The following MYT1L variants were observed in gnomAD, a reference collection of about 807,000 sequenced individuals.
MYT1L encodes myelin transcription factor 1-like protein.
In MYT1L, 12 loss-of-function variants were observed where a neutral mutation model predicts 126.7. The observed-to-expected ratio is 0.09, with a 90% CI of 0.06 to 0.15. The LOEUF (loss-of-function observed/expected upper bound fraction) is 0.15, where lower values mean the gene tolerates loss of function less well. Ranked by LOEUF, MYT1L falls within the 10% of genes least tolerant of loss-of-function variation. The pLI, the probability that MYT1L is intolerant of heterozygous loss-of-function variation, is 1.00. For missense variants in MYT1L, 979 were observed against 1,585.2 expected (o/e 0.62, Z 6.49); for synonymous variants, 541 against 604.2 (o/e 0.90, Z 1.53).
intron 3 of MYT1L, among the ~76,000 whole-genome samples, chr2:2,157,551 T>C (rs1259387669): frequency 1.3e-5 from 2 of 152,204 alleles, no homozygotes; most frequent in African/African-American, 4.8e-5. Flanking sequence ...TTGTAGTATC[T>C]TTTTATCTTC....
intron 2 of MYT1L, among the ~76,000 whole-genome samples, chr2:2,253,854 C>CT (rs2094730291): frequency 6.6e-6 from 1 of 152,102 alleles, no homozygotes; most frequent in African/African-American, 2.4e-5. Context: ...TCATTCCAGC[C>CT]ACTGCCACTC....
chr2:2,187,349 A>C (rs949916135), intron 2 of MYT1L, among the ~76,000 whole-genome samples: 3 of 152,044 alleles, frequency 2.0e-5, no homozygotes, highest in Non-Finnish European at 4.4e-5. Context: ...TTCAGGTGAG[A>C]GCGAGAACCC....
chr2:2,088,311 GC>G (rs2076559415), intron 3 of MYT1L, among the ~76,000 whole-genome samples: 2 of 152,214 alleles, frequency 1.3e-5, no homozygotes, highest in African/African-American at 4.8e-5. Context: ...GAAACCATGA[GC>G]CCTTCTCCTC....
At chr2:1,976,728 T>G (rs917862045) in intron 8 of MYT1L, among the ~76,000 whole-genome samples, 1 of 152,228 alleles carries the variant, frequency 6.6e-6, no homozygotes, top group Admixed American at 6.5e-5. Flanking sequence ...TCCATGAGTC[T>G]TACCTAATAC....
rs538512115 is a variant in MYT1L, at chr2:2,147,798, G to A, written c.-304+25074C>T. ...AGCTGGGGCACATAGCAAGCAGCCCGTCCACCTGGGAGCCCCGCAGCAGAC... is the reference window on the plus strand; with the variant it reads ...AGCTGGGGCACATAGCAAGCAGCCCATCCACCTGGGAGCCCCGCAGCAGAC... On this transcript the variant is annotated intron_variant, in intron 3 of 24. Coordinates refer to ENST00000647738, the MANE Select transcript of MYT1L (RefSeq NM_001303052.2). 5.9e-5 allele frequency among the ~76,000 whole-genome samples: 9 copies of A among 152,338 alleles called. No individual in the cohort carries two copies. In the East Asian group the frequency reaches 7.7e-4, roughly 13 times the overall value.
At chr2:2,287,054 C>T (rs977289701) in intron 1 of MYT1L, among the ~76,000 whole-genome samples, 5 of 152,166 alleles carry the variant, frequency 3.3e-5, no homozygotes, top group Admixed American at 2.0e-4. Flanking sequence ...GTCGGGAGTT[C>T]GAGACCAGTC....
At chr2:2,006,644 C>T (rs541538744) in intron 4 of MYT1L, among the ~76,000 whole-genome samples, 21 of 152,110 alleles carry the variant, frequency 1.4e-4, no homozygotes, top group South Asian at 6.2e-4. Context: ...GGCGTGATCT[C>T]GGCTCACTGC....
chr2:2,328,139 A>G (rs1338079581), intron 1 of MYT1L, among the ~76,000 whole-genome samples: 1 of 152,174 alleles, frequency 6.6e-6, no homozygotes, highest in Non-Finnish European at 1.5e-5. Context: ...TCAATTTTTT[A>G]ATTTTAAGTA....
intron 21 of MYT1L, among the ~76,000 whole-genome samples, chr2:1,832,616 G>A (rs889988601): frequency 2.6e-5 from 4 of 152,166 alleles, no homozygotes; most frequent in Non-Finnish European, 5.9e-5. Context: ...CTGCAGGAAC[G>A]GCTCAACGTG....
chr2:1,900,493 G>A (rs2050194114), intron 14 of MYT1L, among the ~76,000 whole-genome samples: 1 of 152,084 alleles, frequency 6.6e-6, no homozygotes, highest in Non-Finnish European at 1.5e-5. Context: ...TAGAGACGGG[G>A]TTTCACCGTG....
intron 3 of MYT1L, among the ~76,000 whole-genome samples, chr2:2,080,843 C>T (rs1437746179): frequency 1.3e-5 from 2 of 152,184 alleles, no homozygotes; most frequent in Non-Finnish European, 2.9e-5. Context: ...AGCAATTTCA[C>T]TCCTAAGATA....
At chr2:1,810,743 CTG>C (rs2036487850) in intron 21 of MYT1L, among the ~76,000 whole-genome samples, 1 of 152,134 alleles carries the variant, frequency 6.6e-6, no homozygotes, top group Non-Finnish European at 1.5e-5. Context: ...ACATTTTCAA[CTG>C]GGGATATTAG....
chr2:1,903,793 G>A (rs1195199635), intron 13 of MYT1L, among the ~76,000 whole-genome samples: 6 of 152,180 alleles, frequency 3.9e-5, no homozygotes, highest in Non-Finnish European at 7.3e-5. Context: ...AGGTAGGCTA[G>A]GTGGTAATGT....
chr2:1,894,159 T>A (rs1045023650), intron 14 of MYT1L, among the ~76,000 whole-genome samples: 22 of 152,356 alleles, frequency 1.4e-4, no homozygotes, highest in South Asian at 2.1e-4. Context: ...CCATGGCTGG[T>A]GGGGCACAGC....
At chr2:2,291,803 G>A (rs977952196) in intron 1 of MYT1L, among the ~76,000 whole-genome samples, 1 of 152,222 alleles carries the variant, frequency 6.6e-6, no homozygotes, top group Non-Finnish European at 1.5e-5. Flanking sequence ...CATTACAGGA[G>A]CCCACATGAC....
At chr2:2,214,899 T>C (rs965595101) in intron 2 of MYT1L, among the ~76,000 whole-genome samples, 2 of 152,152 alleles carry the variant, frequency 1.3e-5, no homozygotes, top group African/African-American at 4.8e-5. Context: ...TTGTAACATA[T>C]ATAAAAATAA....
intron 4 of MYT1L, among the ~76,000 whole-genome samples, chr2:2,046,273 T>C (rs2068176105): frequency 6.6e-6 from 1 of 152,142 alleles, no homozygotes; most frequent in Non-Finnish European, 1.5e-5. Flanking sequence ...AATCATAACA[T>C]TACATGCATG....
chr2:2,261,816 G>A (rs1470118335), intron 2 of MYT1L, among the ~76,000 whole-genome samples: 1 of 152,162 alleles, frequency 6.6e-6, no homozygotes, highest in African/African-American at 2.4e-5. Flanking sequence ...GTGATTATTA[G>A]AACAGTTTCT....
intron 3 of MYT1L, among the ~76,000 whole-genome samples, chr2:2,144,274 C>T (rs2084524171): frequency 6.6e-6 from 1 of 152,066 alleles, no homozygotes; most frequent in South Asian, 2.1e-4. Flanking sequence ...AGTCATGGCT[C>T]CCCAGCCACC....
Sources: allele counts gnomAD v4.1 joint callset (sites outside exome capture counted in the v4.1 genomes callset), GRCh38; gene constraint gnomAD v4.1.1; transcripts MANE v1.5; gene names NCBI Gene and HGNC (gene_info 2026-07-23, HGNC 2026-07-21).